Variants in SYNRG observed in about 807,000 individuals in gnomAD.
The protein encoded by SYNRG is AP1 gamma subunit binding protein 1.
SYNRG carries 37 observed loss-of-function variants against 130.9 expected under a neutral mutation model. That is an observed-to-expected ratio of 0.28 (90% CI 0.22 to 0.37). SYNRG has a LOEUF of 0.37. Ranked by LOEUF, SYNRG falls within the 10% of genes least tolerant of loss-of-function variation. The pLI is 1.00. For missense variants in SYNRG, 1,338 were observed against 1,588.9 expected (o/e 0.84, Z 2.68); for synonymous variants, 539 against 568.1 (o/e 0.95, Z 0.73).
Position 37,553,597 on chromosome 17 carries a change from T to A in SYNRG, c.2126A>T (p.Asp709Val), listed in dbSNP as rs757211543. The A allele has an allele frequency of 6.2e-6, 10 of 1,614,072 alleles. No homozygotes were observed. The East Asian group carries it at 2.0e-4, about 32-fold the overall frequency. Residue 709 changes from aspartate (D) to valine (V), a missense_variant, in exon 14 of 22, where the codon GAT (aspartate) becomes GTT (valine). Asp to Val is a radical substitution (Grantham distance 152). Coordinates refer to ENST00000612223, the MANE Select transcript of SYNRG (RefSeq NM_007247.6). ...NSSISSEQKP[D>V]DKYDALKEEA... is the part of the protein sequence containing the mutation. ...CTCTTTAAGGGCATCATATTTGTCA[T>A]CCGGCTTTTGCTCAGATGAAATAGA...
chr17:37,577,440 C>T lies in SYNRG; in HGVS notation c.763G>A (p.Gly255Ser). 6.2e-7 allele frequency: 1 copy of T among 1,614,134 alleles called. No homozygotes were observed. The highest frequency in any genetic ancestry group is 8.5e-7 in the Non-Finnish European group (1 of 1,180,046). Residue 255 changes from glycine to serine, a missense_variant, in exon 7 of 22, where the codon GGT becomes AGT. Physicochemically the swap from Gly to Ser is moderately conservative, Grantham distance 56. Transcript: ENST00000612223. ...NGVAVDGCVSGTTTAEAENTS... is the reference protein window; with the variant it reads ...NGVAVDGCVSSTTTAEAENTS... ...TTTTCTGCCTCTGCAGTGGTGGTACCACTTACACATCCATCTACAGCAACC... is the reference window on the plus strand; with the variant it reads ...TTTTCTGCCTCTGCAGTGGTGGTACTACTTACACATCCATCTACAGCAACC...
In SYNRG at chr17:37,591,680, T is replaced by C. The variant is rs192822956; in HGVS notation, c.240+4543A>G. On this transcript the variant is annotated intron_variant, in intron 3 of 21. Transcript: ENST00000612223. ...ATGCCCAACTGATTTTTGACAAAAATGTGAAAGCATTTCAATGGAAGCAGA... is the reference window on the plus strand; with the variant it reads ...ATGCCCAACTGATTTTTGACAAAAACGTGAAAGCATTTCAATGGAAGCAGA... Among the ~76,000 whole-genome samples, 340 of 152,252 alleles carry C rather than the reference T, an allele frequency of 2.2e-3. 4 individuals are homozygous for C. The highest frequency in any genetic ancestry group is 7.7e-3 in the African/African-American group (318 of 41,558).
chr17:37,520,770 A>G, intron 19 of SYNRG, 122 bp from the exon 20 acceptor site: 1 of 730,560 alleles, frequency 1.4e-6, no homozygotes, highest in East Asian at 2.7e-5. Flanking sequence ...CACCACCACT[A>G]CAAGAATTAA....
chr17:37,561,080 AAC>A (rs1229359940), intron 13 of SYNRG, 113 bp downstream of exon 13: 4 of 864,014 alleles, frequency 4.6e-6, no homozygotes, highest in Non-Finnish European at 7.4e-6. Context: ...TTTTCTCCTA[AAC>A]ACACAGACAC....
At position 37,596,280 on chromosome 17, in the gene SYNRG, T is replaced by C. The variant is rs2062765220; in HGVS notation, c.183A>G (p.Gln61=). The C allele has an allele frequency of 6.2e-7, 1 of 1,614,178 alleles. No homozygotes were observed. Among genetic ancestry groups the C allele is most frequent in the Non-Finnish European group, 8.5e-7 (1 of 1,179,998 alleles). The change falls in exon 3 of 22, where the codon CAA becomes CAG. Residue 61 remains glutamine, a synonymous_variant. Coordinates refer to ENST00000612223, the MANE Select transcript of SYNRG (RefSeq NM_007247.6). ...PMVSVMQPNM[Q]GIMGMNYSSQ... ...AGCTGTAATTCATTCCCATAATGCCTTGCATATTAGGCTGCATGACAGAGA... is the reference window on the plus strand; with the variant it reads ...AGCTGTAATTCATTCCCATAATGCCCTGCATATTAGGCTGCATGACAGAGA...
At chr17:37,598,151 G>A (rs1050013642) in intron 2 of SYNRG, among the ~76,000 whole-genome samples, 4 of 152,184 alleles carry the variant, frequency 2.6e-5, no homozygotes, top group African/African-American at 9.7e-5. Flanking sequence ...ACTGTAATTA[G>A]GAGAGATAGA....
At chr17:37,592,012 C>T (rs944024788) in intron 3 of SYNRG, among the ~76,000 whole-genome samples, 2 of 152,014 alleles carry the variant, frequency 1.3e-5, no homozygotes, top group African/African-American at 2.4e-5. Context: ...GGTGAAAAGA[C>T]AAGCTAAAGA....
Position 37,561,556 on chromosome 17 carries a change from A to C in SYNRG, c.1515T>G (p.Thr505=), listed in dbSNP as rs2059534946. The change falls in exon 12 of 22, where the codon ACT becomes ACG. Residue 505 remains threonine (T), a synonymous_variant. Coordinates refer to ENST00000612223, the MANE Select transcript of SYNRG (RefSeq NM_007247.6). ...ATTTGTCCATTGAAGGCAATGCTTT[A>C]GTTCCAGGAAGTGGCATCAACAAAG... is the stretch of plus-strand genomic sequence containing the variant. ...APSLLMPLPG[T]KALPSMDKYA... 2 of 1,613,460 alleles carry C rather than the reference A, an allele frequency of 1.2e-6. No homozygotes were observed. The highest frequency in any genetic ancestry group is 2.7e-5 in the African/African-American group (2 of 75,056).
intron 2 of SYNRG, among the ~76,000 whole-genome samples, chr17:37,599,391 A>C (rs2063068000): frequency 1.3e-5 from 2 of 152,202 alleles, no homozygotes; most frequent in South Asian, 4.1e-4. Flanking sequence ...TGAGACCAAG[A>C]GAGAAAAGGT....
At chr17:37,540,860 C>A in intron 15 of SYNRG, 1 of 988,338 alleles carries the variant, frequency 1.0e-6, no homozygotes, top group South Asian at 4.4e-5. Flanking sequence ...GTCTCGAACT[C>A]CTGATCTCAA....
chr17:37,585,076 TAAAC>T (rs1161752960), intron 5 of SYNRG, among the ~76,000 whole-genome samples: 1 of 152,208 alleles, frequency 6.6e-6, no homozygotes, highest in African/African-American at 2.4e-5. Flanking sequence ...AAAAAGATTA[TAAAC>T]ATTGCCATGA....
chr17:37,545,229 A>AAAT (rs1195491418), intron 14 of SYNRG, among the ~76,000 whole-genome samples: 5 of 151,256 alleles, frequency 3.3e-5, no homozygotes, highest in Non-Finnish European at 7.4e-5. Flanking sequence ...CAAAAAAAAA[A>AAAT]AATAATAATA....
At position 37,515,190 on chromosome 17, in the gene SYNRG, C is replaced by G. The variant is rs1482735420; in HGVS notation, c.*3750G>C. ...AGTATTTGTAAAGTGGCATTTTTCC[C>G]CCAAGAGCTGTTTCACTTAAGCTTT... On this transcript the variant is annotated 3_prime_UTR_variant, in exon 22 of 22. Transcript: ENST00000612223. 6.6e-6 allele frequency: 1 copy of G among 152,028 alleles called. No homozygotes were observed. Among genetic ancestry groups the G allele is most frequent in the Non-Finnish European group, 1.5e-5 (1 of 68,000 alleles). 9.4% of individuals were successfully genotyped at this position (152,028 alleles called of 1,614,324 possible). A position where few individuals can be genotyped will look rare whatever the true frequency, so the allele number is the denominator to read the frequency against.
At position 37,571,781 on chromosome 17, in the gene SYNRG, C is replaced by G. The variant is rs747684444; in HGVS notation, c.1098+10G>C. The G allele has an allele frequency of 1.1e-5, 17 of 1,590,466 alleles. No homozygotes were observed. Among genetic ancestry groups the G allele is most frequent in the Non-Finnish European group, 1.5e-5 (17 of 1,170,320 alleles). On this transcript the variant is annotated intron_variant, in intron 9 of 21. Coordinates refer to ENST00000612223, the MANE Select transcript of SYNRG (RefSeq NM_007247.6). ...AAGTTATTTGATCTAACTTAAGAAA[C>G]ATTGTTTACCTGTGTTACCGCTATC...
intron 11 of SYNRG, chr17:37,567,317 G>A (rs1318717890): frequency 6.6e-6 from 1 of 152,316 alleles, no homozygotes; most frequent in East Asian, 1.9e-4. Context: ...TTAATTTGGT[G>A]ACTGAATATG....
rs115233515 is a variant in SYNRG at position 37,567,828 on chromosome 17, T to A, written c.1481+963A>T. 2.7e-3 allele frequency: 418 copies of A among 152,274 alleles called. 2 individuals are homozygous for A. The highest frequency in any genetic ancestry group is 9.7e-3 in the African/African-American group (404 of 41,558). 9.4% of individuals were successfully genotyped at this position (152,274 alleles called of 1,614,324 possible). A position where few individuals can be genotyped will look rare whatever the true frequency, so the allele number is the denominator to read the frequency against. On this transcript the variant is annotated intron_variant, in intron 11 of 21. Transcript: ENST00000612223. ...AATATGTATTCTGACAATAACAAAT[T>A]CGAAAAATAAAACCAAAGGAATTCA...
chr17:37,539,536 A>G (rs1282297034), intron 16 of SYNRG, among the ~76,000 whole-genome samples: 2 of 152,026 alleles, frequency 1.3e-5, no homozygotes, highest in African/African-American at 2.4e-5. Flanking sequence ...ACATGAGGCT[A>G]ATTTTTGTAT....
intron 3 of SYNRG, among the ~76,000 whole-genome samples, chr17:37,589,609 C>A (rs186362428): frequency 6.6e-6 from 1 of 151,926 alleles, no homozygotes; most frequent in African/African-American, 2.4e-5. Flanking sequence ...ATTAGCCGGG[C>A]GTGGTGGCGG....
chr17:37,606,226 C>T (rs901145604), intron 1 of SYNRG, among the ~76,000 whole-genome samples: 1 of 152,198 alleles, frequency 6.6e-6, no homozygotes, highest in Non-Finnish European at 1.5e-5. Context: ...TTGACTAGGC[C>T]TTCCCATCTC....
Sources: gnomAD v4.1 joint callset for allele counts (sites outside exome capture counted in the v4.1 genomes callset) on GRCh38, gnomAD v4.1.1 for gene constraint, MANE v1.5 for transcripts, NCBI Gene and HGNC (gene_info 2026-07-23, HGNC 2026-07-21) for gene names.